DBX2: variants seen among roughly 807,000 people sequenced by gnomAD.
DBX2 encodes homeobox protein DBX2.
DBX2 carries 16 observed loss-of-function variants against 17.7 expected under a neutral mutation model. That is an observed-to-expected ratio of 0.90 (90% confidence interval 0.61 to 1.37). The LOEUF is 1.37. Among genes scored for constraint, DBX2 ranks in the 40% most tolerant of loss-of-function variants. DBX2 has a pLI of 0.00. For missense variants in DBX2, 538 were observed against 433.8 expected, an observed-to-expected ratio of 1.24 and a Z score of -2.13; for synonymous variants, 255 against 183.8, an observed-to-expected ratio of 1.39 and a Z score of -3.13.
At position 45,036,052 on chromosome 12, in the gene DBX2, A is replaced by C. The variant is rs771739848; in HGVS notation, c.466T>G (p.Cys156Gly). Residue 156 changes from cysteine to glycine, a missense_variant, in exon 2 of 4, where the codon TGT becomes GGT. Cys to Gly is a radical substitution (Grantham distance 159). Transcript: ENST00000332700. ...GCAGTGGAGGATGCAGGGCGCCGAC[A>C]GGACCCACCGCAGCACGCCGAGTAG... The part of the protein sequence containing the change: ...PFYSACCGGS[C>G]RRPASSTAFP... 1 of 1,613,676 alleles carries C rather than the reference A, an allele frequency of 6.2e-7. No individual in the cohort carries two copies. The highest frequency in any genetic ancestry group is 8.5e-7 in the Non-Finnish European group (1 of 1,179,918).
intron 2 of DBX2, among the ~76,000 whole-genome samples, chr12:45,026,527 G>C (rs1946382434): frequency 6.6e-6 from 1 of 152,154 alleles, no homozygotes; most frequent in Non-Finnish European, 1.5e-5. Flanking sequence ...TAAAGCTAGG[G>C]TTTCAAACCC....
chr12:45,018,368 A>G (rs1946334163), intron 3 of DBX2, among the ~76,000 whole-genome samples: 1 of 152,204 alleles, frequency 6.6e-6, no homozygotes, highest in Non-Finnish European at 1.5e-5. Context: ...GAGTTTCCTC[A>G]CAATCAATGG....
At chr12:45,022,296 C>CTTTTT (rs1592750969) in intron 3 of DBX2, among the ~76,000 whole-genome samples, 3 of 91,266 alleles carry the variant, frequency 3.3e-5, no homozygotes, top group Admixed American at 1.4e-4. Context: ...CCAATAATAA[C>CTTTTT]TGTTTTTTTT....
chr12:45,020,910 C>G (rs908232078), intron 3 of DBX2, among the ~76,000 whole-genome samples: 1 of 151,950 alleles, frequency 6.6e-6, no homozygotes, highest in Admixed American at 6.6e-5. Context: ...AAACAAGCGC[C>G]ATTTGTAAAT....
chr12:45,050,351 C>T (rs554605028), intron 1 of DBX2, among the ~76,000 whole-genome samples, 174 bp downstream of exon 1: 24 of 152,162 alleles, frequency 1.6e-4, no homozygotes, highest in Non-Finnish European at 3.2e-4. Context: ...GGTGTGCCTC[C>T]GCCTGGGCCC....
At chr12:45,033,005 A>G (rs1488535455) in intron 2 of DBX2, among the ~76,000 whole-genome samples, 1 of 152,208 alleles carries the variant, frequency 6.6e-6, no homozygotes, top group Non-Finnish European at 1.5e-5. Flanking sequence ...GCTTTGGGTG[A>G]GGGAAGAACT....
At chr12:45,026,165 T>A (rs1401054524) in intron 2 of DBX2, among the ~76,000 whole-genome samples, 1 of 152,206 alleles carries the variant, frequency 6.6e-6, no homozygotes, top group South Asian at 2.1e-4. Context: ...GCCTCTTTTT[T>A]AGATGGAACA....
intron 1 of DBX2, among the ~76,000 whole-genome samples, chr12:45,041,489 GA>G (rs1565585815): frequency 6.6e-6 from 1 of 152,180 alleles, no homozygotes; most frequent in African/African-American, 2.4e-5. Context: ...TAGTCCACCT[GA>G]AAGTAATTTG....
chr12:45,041,870 TAATGA>T (rs1251248389), intron 1 of DBX2, among the ~76,000 whole-genome samples: 2 of 152,236 alleles, frequency 1.3e-5, no homozygotes, highest in Non-Finnish European at 2.9e-5. Context: ...GTCTGCTGGT[TAATGA>T]AATGAAATGT....
intron 1 of DBX2, among the ~76,000 whole-genome samples, chr12:45,041,807 T>C (rs957123203): frequency 1.3e-5 from 2 of 152,332 alleles, no homozygotes; most frequent in South Asian, 2.1e-4. Context: ...AAAAAGGAGT[T>C]TCCTTCCTGG....
chr12:45,040,635 G>C (rs1946466015), intron 1 of DBX2, among the ~76,000 whole-genome samples: 1 of 152,100 alleles, frequency 6.6e-6, no homozygotes, highest in South Asian at 2.1e-4. Flanking sequence ...GTTTATTTAA[G>C]ATGGGAACTT....
chr12:45,020,277 C>T (rs990329298), intron 3 of DBX2, among the ~76,000 whole-genome samples: 9 of 152,108 alleles, frequency 5.9e-5, no homozygotes, highest in Admixed American at 2.6e-4. Context: ...TTCAAATTAA[C>T]GGAATCATAT....
intron 3 of DBX2, among the ~76,000 whole-genome samples, chr12:45,020,518 A>G (rs970272579): frequency 6.6e-6 from 1 of 151,754 alleles, no homozygotes; most frequent in African/African-American, 2.4e-5. Context: ...CCTTGGAAGG[A>G]GCAGATAGTG....
At position 45,016,807 on chromosome 12, in the gene DBX2, A is replaced by ATT. The variant is rs747200884; in HGVS notation, c.688-191_688-190dup. 4.1e-3 allele frequency among the ~76,000 whole-genome samples: 629 copies of ATT among 151,588 alleles called. 4 individuals are homozygous for ATT. Among genetic ancestry groups the ATT allele is most frequent in the African/African-American group, 0.014 (576 of 41,290 alleles). Reference sequence around the variant, plus strand: ...TCCCATTGTATTTTATTTTATTATTATTTTTTTTGAGATGGGGTCTCTCTC... The same window carrying ATT: ...TCCCATTGTATTTTATTTTATTATTATTTTTTTTTTGAGATGGGGTCTCTCTC... On this transcript the variant is annotated intron_variant, in intron 3 of 3. Transcript: ENST00000332700.
chr12:45,049,339 G>A (rs555323899), intron 1 of DBX2, among the ~76,000 whole-genome samples: 3 of 152,254 alleles, frequency 2.0e-5, no homozygotes, highest in African/African-American at 7.2e-5. Flanking sequence ...AAAGAACAGA[G>A]AGGCCCAAAT....
intron 1 of DBX2, among the ~76,000 whole-genome samples, chr12:45,050,141 C>T (rs1188030227): frequency 2.6e-5 from 4 of 152,148 alleles, no homozygotes; most frequent in Admixed American, 1.3e-4. Context: ...TGTCGTGCAG[C>T]CCGGGAAACA....
intron 1 of DBX2, among the ~76,000 whole-genome samples, chr12:45,050,293 A>C (rs1299975313): frequency 2.6e-5 from 4 of 152,206 alleles, no homozygotes; most frequent in African/African-American, 9.6e-5. Context: ...AACAGCAAAG[A>C]AGCTGGTGGA....
intron 2 of DBX2, among the ~76,000 whole-genome samples, chr12:45,035,506 C>A (rs1299689720): frequency 2.6e-5 from 4 of 152,220 alleles, no homozygotes; most frequent in Non-Finnish European, 5.9e-5. Flanking sequence ...GAGAAGAGTT[C>A]TCTTGAAAAT....
intron 1 of DBX2, among the ~76,000 whole-genome samples, chr12:45,046,537 T>C (rs1301219780): frequency 6.6e-6 from 1 of 152,176 alleles, no homozygotes; most frequent in Non-Finnish European, 1.5e-5. Flanking sequence ...ACTTAAAAAA[T>C]AAGATCACAA....
Sources: allele counts gnomAD v4.1 joint callset (sites outside exome capture counted in the v4.1 genomes callset), GRCh38; gene constraint gnomAD v4.1.1; transcripts MANE v1.5; gene names NCBI Gene and HGNC (gene_info 2026-07-23, HGNC 2026-07-21).